NKAIN2: variants seen among roughly 807,000 people sequenced by gnomAD.
The protein encoded by NKAIN2 is sodium/potassium-transporting ATPase subunit beta-1-interacting protein 2.
Under a neutral mutation model 32.6 loss-of-function variants are expected in NKAIN2, and 14 were observed. The ratio of observed to expected loss-of-function variants is 0.43; its 90% CI spans 0.28 to 0.67. NKAIN2 has a LOEUF of 0.67. NKAIN2 is among the 30% of genes least tolerant of loss of function. NKAIN2 has a pLI of 0.17. For synonymous variants in NKAIN2, 80 were observed against 87.2 expected (o/e 0.92, Z 0.46); for missense variants, 198 against 258.3 (o/e 0.77, Z 1.60).
intron 4 of NKAIN2, among the ~76,000 whole-genome samples, chr6:124,713,996 C>G (rs535216819): frequency 6.6e-6 from 1 of 152,280 alleles, no homozygotes; most frequent in Admixed American, 6.5e-5. Flanking sequence ...TCTAGCTGTT[C>G]CTAGATCTGA....
intron 3 of NKAIN2, among the ~76,000 whole-genome samples, chr6:124,633,688 C>T (rs1213932517): frequency 6.6e-6 from 1 of 152,152 alleles, no homozygotes; most frequent in Admixed American, 6.5e-5. Context: ...AACTGTGTAT[C>T]AAAATGAGAT....
chr6:124,282,268 G>A, intron 1 of NKAIN2: 1 of 363,396 alleles, frequency 2.8e-6, no homozygotes, highest in Non-Finnish European at 5.4e-6. Flanking sequence ...ATCGACTTAA[G>A]TGTCTTGCTT....
chr6:124,137,085 A>G (rs922002500), intron 1 of NKAIN2, among the ~76,000 whole-genome samples: 2 of 152,090 alleles, frequency 1.3e-5, no homozygotes, highest in Admixed American at 1.3e-4. Context: ...CTGTTTGCTG[A>G]TATTATTGTA....
At chr6:124,657,609 G>A (rs1447755909) in intron 3 of NKAIN2, among the ~76,000 whole-genome samples, 2 of 152,176 alleles carry the variant, frequency 1.3e-5, no homozygotes, top group African/African-American at 4.8e-5. Context: ...TTCACAAAAA[G>A]TGATAAGATT....
intron 3 of NKAIN2, among the ~76,000 whole-genome samples, chr6:124,633,185 C>T (rs867651866): frequency 1.3e-5 from 2 of 152,242 alleles, no homozygotes; most frequent in Middle Eastern, 3.4e-3. Context: ...AGAGAATAAT[C>T]GATTTGAAAT....
chr6:124,355,131 C>A, intron 2 of NKAIN2, 136 bp from the exon 3 acceptor site: 2 of 584,336 alleles, frequency 3.4e-6, no homozygotes, highest in Non-Finnish European at 6.1e-6. Context: ...ACATCTAATC[C>A]TGTTCCTTAG....
chr6:124,059,278 T>C lies in NKAIN2; in HGVS notation c.55-223727T>C, dbSNP rs192199774. 1.5e-4 allele frequency among the ~76,000 whole-genome samples: 23 copies of C among 152,252 alleles called. No homozygotes were observed. In the East Asian group the frequency reaches 4.5e-3, roughly 30 times the overall value. ...TTCTATGTAATCCCATCCTTACTTA[T>C]GTCTTGGGCACCTTCTCGGACAGCT... On this transcript the variant is annotated intron_variant, in intron 1 of 6. Coordinates refer to ENST00000368417, the MANE Select transcript of NKAIN2 (RefSeq NM_001040214.3).
chr6:124,687,743 T>TATATAC lies in NKAIN2; in HGVS notation c.474+29358_474+29359insTATACA, dbSNP rs1554251784. Among the ~76,000 whole-genome samples, 114 of 104,370 alleles carry TATATAC rather than the reference T, an allele frequency of 1.1e-3. 5 individuals are homozygous for TATATAC. Among genetic ancestry groups the TATATAC allele is most frequent in the East Asian group, 7.5e-3 (28 of 3,748 alleles). 68.5% of individuals were successfully genotyped at this position (104,370 alleles called of 152,430 possible). ...ATATAATATAAATATATATGATATA[T>TATATAC]ACACACACACACACACACACACACA... On this transcript the variant is annotated intron_variant, in intron 4 of 6. Transcript: ENST00000368417.
chr6:124,473,287 CAGGA>C (rs1214973537), intron 3 of NKAIN2, among the ~76,000 whole-genome samples: 3 of 152,124 alleles, frequency 2.0e-5, no homozygotes, highest in Non-Finnish European at 4.4e-5. Flanking sequence ...GAGAGTTGAC[CAGGA>C]AGGTGAGGTG....
intron 3 of NKAIN2, among the ~76,000 whole-genome samples, chr6:124,390,191 A>G (rs906197407): frequency 3.9e-5 from 6 of 152,116 alleles, no homozygotes; most frequent in Non-Finnish European, 7.4e-5. Flanking sequence ...CGGGTGGGTG[A>G]GGAGTTACTT....
chr6:124,471,203 T>G (rs1467624775), intron 3 of NKAIN2, among the ~76,000 whole-genome samples: 1 of 152,172 alleles, frequency 6.6e-6, no homozygotes, highest in Non-Finnish European at 1.5e-5. Flanking sequence ...TTTATATCCT[T>G]CCTTTCAAAT....
chr6:123,911,785 A>ATATATATGTATATATATGTATATATG (rs1775194613), intron 1 of NKAIN2, among the ~76,000 whole-genome samples: 2 of 89,696 alleles, frequency 2.2e-5, no homozygotes, highest in African/African-American at 1.6e-4. Context: ...ATACATACAT[A>ATATATATGTATATATATGTATATATG]TATATATATA....
At chr6:124,175,869 T>C (rs1457142556) in intron 1 of NKAIN2, among the ~76,000 whole-genome samples, 2 of 152,212 alleles carry the variant, frequency 1.3e-5, no homozygotes, top group Non-Finnish European at 2.9e-5. Flanking sequence ...TCTTGCCCTT[T>C]ATTTCTCTCT....
chr6:124,161,993 G>C (rs1404903250), intron 1 of NKAIN2, among the ~76,000 whole-genome samples: 1 of 152,038 alleles, frequency 6.6e-6, no homozygotes, highest in Non-Finnish European at 1.5e-5. Context: ...AATAAAATAA[G>C]ATTATTTGAA....
At chr6:123,814,853 G>T (rs1773625809) in intron 1 of NKAIN2, among the ~76,000 whole-genome samples, 1 of 152,212 alleles carries the variant, frequency 6.6e-6, no homozygotes, top group South Asian at 2.1e-4. Flanking sequence ...CCCTGCCCTG[G>T]ATGTTGGGAG....
At chr6:124,150,860 G>A (rs183919716) in intron 1 of NKAIN2, among the ~76,000 whole-genome samples, 12 of 152,106 alleles carry the variant, frequency 7.9e-5, no homozygotes, top group African/African-American at 2.9e-4. Context: ...TGATAATTGT[G>A]AATTGGTAGA....
At chr6:124,769,849 A>G (rs779941269) in intron 4 of NKAIN2, among the ~76,000 whole-genome samples, 2 of 152,150 alleles carry the variant, frequency 1.3e-5, no homozygotes, top group Non-Finnish European at 2.9e-5. Context: ...TTGAGAAGAT[A>G]ATTTTTAGGT....
At chr6:124,035,169 A>G (rs1247039158) in intron 1 of NKAIN2, among the ~76,000 whole-genome samples, 2 of 152,126 alleles carry the variant, frequency 1.3e-5, no homozygotes, top group Non-Finnish European at 2.9e-5. Context: ...GAATCCTAAA[A>G]TGGGAGAAGG....
chr6:124,611,004 C>T (rs1262300807), intron 3 of NKAIN2, among the ~76,000 whole-genome samples: 1 of 152,146 alleles, frequency 6.6e-6, no homozygotes, highest in East Asian at 1.9e-4. Flanking sequence ...ATCTAAAACA[C>T]TCTTAATTTG....
Sources: gnomAD v4.1 joint callset for allele counts (sites outside exome capture counted in the v4.1 genomes callset) on GRCh38, gnomAD v4.1.1 for gene constraint, MANE v1.5 for transcripts, NCBI Gene and HGNC (gene_info 2026-07-23, HGNC 2026-07-21) for gene names.